The following ECM2 variants were observed in gnomAD, a reference collection of about 807,000 sequenced individuals.
ECM2 encodes the protein extracellular matrix protein 2, female organ and adipocyte specific.
A neutral mutation model predicts 67.5 loss-of-function variants in ECM2; 57 were observed. That is an observed-to-expected ratio of 0.84 (90% CI 0.68 to 1.05). The LOEUF (loss-of-function observed/expected upper bound fraction) is 1.05, where lower values mean the gene tolerates loss of function less well. Ranked by LOEUF, ECM2 falls within the 50% of genes least tolerant of loss-of-function variation. The probability of loss-of-function intolerance (pLI) is 0.00; values close to 1 mark genes in which losing one functional copy is unlikely to be tolerated. For missense variants in ECM2, 741 were observed against 822.8 expected, an observed-to-expected ratio of 0.90 and a Z score of 1.22; for synonymous variants, 258 against 294.5, an observed-to-expected ratio of 0.88 and a Z score of 1.27.
rs1427619987 is a variant in ECM2 at position 92,523,843 on chromosome 9, A to G, written c.-27-950T>C. Among the ~76,000 whole-genome samples the G allele has an allele frequency of 3.9e-5, 6 of 152,348 alleles. No homozygotes were observed. The East Asian group carries it at 1.2e-3, about 29-fold the overall frequency. ...CAGGTTGCACTCAGAGCATGGGAAC[A>G]TAACGGCGATAAGAAGGCTTTCCTC... is the stretch of plus-strand genomic sequence containing the variant. On this transcript the variant is annotated intron_variant, in intron 1 of 9. Coordinates refer to ENST00000344604, the MANE Select transcript of ECM2 (RefSeq NM_001393.4).
the ECM2 span, among the ~76,000 whole-genome samples, chr9:92,543,646 G>A: frequency 2.1e-3 from 321 of 152,048 alleles, 2 homozygotes; most frequent in African/African-American, 7.3e-3. Context: ...GGGTAGTATA[G>A]TCATTCTAAC....
the ECM2 span, among the ~76,000 whole-genome samples, chr9:92,555,317 C>T: frequency 6.8e-6 from 1 of 147,594 alleles, no homozygotes; most frequent in Non-Finnish European, 1.5e-5. Context: ...ACCTCTGCCT[C>T]CCAGGTTCAA....
At chr9:92,513,351 T>A (rs1300013858) in intron 4 of ECM2, among the ~76,000 whole-genome samples, 2 of 152,188 alleles carry the variant, frequency 1.3e-5, no homozygotes, top group Non-Finnish European at 2.9e-5. Flanking sequence ...CTCCCCAGCA[T>A]GCAGGTGGGA....
chr9:92,557,989 T>A, the ECM2 span, among the ~76,000 whole-genome samples: 1 of 152,172 alleles, frequency 6.6e-6, no homozygotes, highest in Non-Finnish European at 1.5e-5. Context: ...CTGAGTTTTT[T>A]ATTGTTTTTT....
chr9:92,548,879 T>A, the ECM2 span, among the ~76,000 whole-genome samples: 1 of 152,268 alleles, frequency 6.6e-6, no homozygotes, highest in South Asian at 2.1e-4. Context: ...GTGTGTGTTA[T>A]CTAGAACTTG....
At chr9:92,523,813 G>A (rs1032049861) in intron 1 of ECM2, among the ~76,000 whole-genome samples, 1 of 152,188 alleles carries the variant, frequency 6.6e-6, no homozygotes, top group African/African-American at 2.4e-5. Context: ...TTATAGATAA[G>A]AGAGCAGGTT....
At chr9:92,537,592 G>A (rs561175321), upstream of ECM2, among the ~76,000 whole-genome samples, 34 of 152,206 alleles carry the variant, frequency 2.2e-4, no homozygotes, top group African/African-American at 6.0e-4. Flanking sequence ...CCTAGGAGGC[G>A]GAGGTTGCAG....
chr9:92,543,860 G>A, the ECM2 span, among the ~76,000 whole-genome samples: 3 of 152,202 alleles, frequency 2.0e-5, no homozygotes, highest in African/African-American at 4.8e-5. Flanking sequence ...ATACAGAAAA[G>A]CTACTGATTT....
At chr9:92,497,487 G>A (rs1015866372) in intron 9 of ECM2, among the ~76,000 whole-genome samples, 1 of 152,064 alleles carries the variant, frequency 6.6e-6, no homozygotes, top group East Asian at 1.9e-4. Flanking sequence ...AGCTGGGCAT[G>A]GTGGCGTATC....
At chr9:92,513,154 C>A (rs890522581) in intron 4 of ECM2, among the ~76,000 whole-genome samples, 1 of 152,174 alleles carries the variant, frequency 6.6e-6, no homozygotes, top group African/African-American at 2.4e-5. Context: ...TCCCAGCACC[C>A]AAAGTGTCCC....
intron 2 of ECM2, 56 bp downstream of exon 2, chr9:92,522,519 A>G (rs964616545): frequency 1.4e-6 from 2 of 1,464,538 alleles, no homozygotes; most frequent in Non-Finnish European, 1.8e-6. Context: ...CTCTTTCCCC[A>G]TACCATCTCT....
upstream of ECM2, among the ~76,000 whole-genome samples, chr9:92,537,044 A>T (rs1273296711): frequency 7.0e-6 from 1 of 142,568 alleles, no homozygotes; most frequent in African/African-American, 2.6e-5. Context: ...TAATTTTTGT[A>T]TTTTTTTTTT....
chr9:92,552,742 T>C, the ECM2 span, among the ~76,000 whole-genome samples: 1 of 152,122 alleles, frequency 6.6e-6, no homozygotes, highest in African/African-American at 2.4e-5. Flanking sequence ...TGGTTATTAG[T>C]GCTTTGTCAG....
intron 2 of ECM2, among the ~76,000 whole-genome samples, chr9:92,520,140 C>T (rs145145499): frequency 6.5e-4 from 98 of 150,872 alleles, no homozygotes; most frequent in Admixed American, 1.9e-3. Flanking sequence ...AAAAGTTAGC[C>T]AGGTGTGGTG....
At chr9:92,551,940 T>TGATATATATATATG in the ECM2 span, among the ~76,000 whole-genome samples, 15 of 113,386 alleles carry the variant, frequency 1.3e-4, no homozygotes, top group Admixed American at 1.1e-3. Context: ...TATATATATA[T>TGATATATATATATG]ATATATATAT....
the ECM2 span, among the ~76,000 whole-genome samples, chr9:92,554,405 A>G: frequency 6.6e-6 from 1 of 150,902 alleles, no homozygotes; most frequent in African/African-American, 2.4e-5. Flanking sequence ...CTGGTCTTGA[A>G]CTCCTGACCT....
rs2131206543 is a variant in ECM2, at chr9:92,514,620, A to T, written c.1054+11T>A. On this transcript the variant is annotated intron_variant, in intron 4 of 9. Coordinates refer to ENST00000344604, the MANE Select transcript of ECM2 (RefSeq NM_001393.4). ...AAAGCACAAAATAAAGCAGAAGTCA[A>T]CATCTCTTACCAGTGAGCTCCAGAC... 1 of 1,551,476 alleles carries T rather than the reference A, an allele frequency of 6.4e-7. No homozygotes were observed.
At chr9:92,507,364 T>C (rs903706452) in intron 6 of ECM2, among the ~76,000 whole-genome samples, 4 of 152,182 alleles carry the variant, frequency 2.6e-5, no homozygotes, top group African/African-American at 7.2e-5. Flanking sequence ...AAGTTTTTCA[T>C]TGAAAAATAG....
At chr9:92,540,133 T>A (rs1849282614), upstream of ECM2, among the ~76,000 whole-genome samples, 1 of 152,170 alleles carries the variant, frequency 6.6e-6, no homozygotes, top group Non-Finnish European at 1.5e-5. Flanking sequence ...AACCTTCCCA[T>A]TGAAGTAAGA....
Sources: allele counts gnomAD v4.1 joint callset (sites outside exome capture counted in the v4.1 genomes callset), GRCh38; gene constraint gnomAD v4.1.1; transcripts MANE v1.5; gene names NCBI Gene and HGNC (gene_info 2026-07-23, HGNC 2026-07-21).